Variants in ADCY8 observed in about 807,000 individuals in gnomAD.
ADCY8 encodes the protein adenylate cyclase 8, also known as adenylate cyclase type 8.
A neutral mutation model predicts 119.7 loss-of-function variants in ADCY8; 51 were observed. That is an observed-to-expected ratio of 0.43 (90% CI 0.34 to 0.54). The LOEUF is 0.54. Among genes scored for constraint, ADCY8 ranks in the 20% least tolerant of loss-of-function variants. The pLI is 0.03. For missense variants in ADCY8, 1,383 were observed against 1,598.8 expected, an observed-to-expected ratio of 0.87 and a Z score of 2.30; for synonymous variants, 665 against 651.0, an observed-to-expected ratio of 1.02 and a Z score of -0.33.
intron 14 of ADCY8, among the ~76,000 whole-genome samples, chr8:130,804,147 T>G (rs1175963764): frequency 6.6e-6 from 1 of 152,246 alleles, no homozygotes; most frequent in East Asian, 1.9e-4. Flanking sequence ...CTCTGTTTAC[T>G]GTATTACCTA....
At chr8:130,854,504 C>G (rs558968882) in intron 9 of ADCY8, among the ~76,000 whole-genome samples, 44 of 152,266 alleles carry the variant, frequency 2.9e-4, no homozygotes, top group African/African-American at 1.0e-3. Flanking sequence ...AAGATGGCAC[C>G]TGGACAACAC....
At chr8:130,925,162 G>A (rs867731590) in intron 5 of ADCY8, among the ~76,000 whole-genome samples, 6 of 152,062 alleles carry the variant, frequency 3.9e-5, no homozygotes, top group South Asian at 2.1e-4. Context: ...CCAAGATCGC[G>A]CCACTGCACT....
At chr8:130,939,774 C>A (rs182791366) in intron 4 of ADCY8, among the ~76,000 whole-genome samples, 2 of 152,192 alleles carry the variant, frequency 1.3e-5, no homozygotes, top group Non-Finnish European at 2.9e-5. Flanking sequence ...ACAATGACAA[C>A]TGACACCTGG....
chr8:130,795,513 T>G (rs1321261762), intron 15 of ADCY8, among the ~76,000 whole-genome samples: 5 of 152,230 alleles, frequency 3.3e-5, no homozygotes, highest in African/African-American at 9.6e-5. Flanking sequence ...GTCTAAACTT[T>G]GTCTTCTTAT....
chr8:130,844,727 G>A (rs1051916306), intron 11 of ADCY8, among the ~76,000 whole-genome samples: 1 of 152,164 alleles, frequency 6.6e-6, no homozygotes, highest in African/African-American at 2.4e-5. Flanking sequence ...AATGTCAACT[G>A]GTGGGTCAGA....
At chr8:130,818,089 A>C (rs1816400287) in intron 13 of ADCY8, among the ~76,000 whole-genome samples, 2 of 152,200 alleles carry the variant, frequency 1.3e-5, no homozygotes, top group African/African-American at 4.8e-5. Flanking sequence ...AAACAAAAAC[A>C]AAGGACAGGG....
chr8:130,802,039 C>G (rs1235392347), intron 14 of ADCY8, among the ~76,000 whole-genome samples: 1 of 150,336 alleles, frequency 6.7e-6, no homozygotes, highest in East Asian at 2.0e-4. Flanking sequence ...CTGACGGTTT[C>G]TAAATTCCTG....
chr8:130,932,100 C>T (rs55840599), intron 5 of ADCY8, among the ~76,000 whole-genome samples: 13,867 of 152,160 alleles, frequency 0.091, 681 homozygotes, highest in African/African-American at 0.1. Context: ...GAAAGCACTA[C>T]GGCAGGTGTG....
At chr8:130,970,889 G>T (rs1821904441) in intron 2 of ADCY8, among the ~76,000 whole-genome samples, 1 of 152,300 alleles carries the variant, frequency 6.6e-6, no homozygotes, top group South Asian at 2.1e-4. Context: ...CCTGGAACAT[G>T]GTGGCAGGGA....
intron 5 of ADCY8, among the ~76,000 whole-genome samples, chr8:130,923,628 G>A: frequency 6.6e-6 from 1 of 152,118 alleles, no homozygotes; most frequent in East Asian, 1.9e-4. Context: ...TGTCAGCCCT[G>A]GCATCTTCTC....
intron 1 of ADCY8, among the ~76,000 whole-genome samples, chr8:131,015,802 G>A (rs9649966): frequency 3.1e-3 from 477 of 152,162 alleles, no homozygotes; most frequent in Non-Finnish European, 5.3e-3. Flanking sequence ...ACTTCTCTAC[G>A]CACATAGCTA....
intron 2 of ADCY8, among the ~76,000 whole-genome samples, chr8:130,953,438 A>G (rs1463725258): frequency 1.3e-5 from 2 of 152,188 alleles, no homozygotes; most frequent in Non-Finnish European, 1.5e-5. Context: ...ATTTTCATAT[A>G]ATGGACAGAA....
At position 130,807,158 on chromosome 8, in the gene ADCY8, T is replaced by G. The variant is rs115804854; in HGVS notation, c.2914-6586A>C. Among the ~76,000 whole-genome samples the G allele has an allele frequency of 3.7e-3, 571 of 152,344 alleles. 2 individuals are homozygous for G. The highest frequency in any genetic ancestry group is 0.013 in the African/African-American group (555 of 41,582). On this transcript the variant is annotated intron_variant, in intron 14 of 17. Transcript: ENST00000286355. ...TCCGTCGCACACCTGCATATGTCAG[T>G]ATGAGGACTGACGTCCTCTCTGCCT...
intron 9 of ADCY8, among the ~76,000 whole-genome samples, chr8:130,862,604 G>A (rs943984749): frequency 2.0e-5 from 3 of 152,014 alleles, no homozygotes; most frequent in Non-Finnish European, 2.9e-5. Flanking sequence ...TAGTAGAGAC[G>A]GGGTTTCACC....
At chr8:130,845,873 A>T (rs1817280349) in intron 11 of ADCY8, among the ~76,000 whole-genome samples, 1 of 152,136 alleles carries the variant, frequency 6.6e-6, no homozygotes. Flanking sequence ...AGAAGAAGGG[A>T]GGGAAAGAAG....
At chr8:130,931,891 TTAAA>T (rs1820640425) in intron 5 of ADCY8, among the ~76,000 whole-genome samples, 2 of 152,248 alleles carry the variant, frequency 1.3e-5, no homozygotes, top group African/African-American at 4.8e-5. Context: ...CTGGGATTCC[TTAAA>T]ATAGTTATTT....
chr8:130,797,128 T>C (rs1384228402), intron 15 of ADCY8, among the ~76,000 whole-genome samples: 1 of 152,258 alleles, frequency 6.6e-6, no homozygotes, highest in Non-Finnish European at 1.5e-5. Context: ...TAAAGCAAAC[T>C]TGTCCAACCT....
intron 1 of ADCY8, among the ~76,000 whole-genome samples, chr8:131,019,331 A>G (rs2130792418): frequency 6.6e-6 from 1 of 152,366 alleles, no homozygotes; most frequent in Middle Eastern, 3.4e-3. Context: ...TGTGGAAGCC[A>G]CAAGTATTTT....
At chr8:131,020,584 T>C (rs1823633749) in intron 1 of ADCY8, among the ~76,000 whole-genome samples, 1 of 152,262 alleles carries the variant, frequency 6.6e-6, no homozygotes, top group Non-Finnish European at 1.5e-5. Context: ...ATTTGGAAGA[T>C]TTATTGGACT....
Sources: allele counts gnomAD v4.1 joint callset (sites outside exome capture counted in the v4.1 genomes callset), GRCh38; gene constraint gnomAD v4.1.1; transcripts MANE v1.5; gene names NCBI Gene and HGNC (gene_info 2026-07-23, HGNC 2026-07-21).